MDN1: variants seen among roughly 807,000 people sequenced by gnomAD.
MDN1 encodes the protein midasin AAA ATPase 1.
Under a neutral mutation model 669.2 loss-of-function variants are expected in MDN1, and 266 were observed. The observed-to-expected ratio is 0.40, with a 90% CI of 0.36 to 0.44. The LOEUF is 0.44. Among genes scored for constraint, MDN1 ranks in the 20% least tolerant of loss-of-function variants. The pLI is 1.00. For synonymous variants in MDN1, 2,385 were observed against 2,457.1 expected (o/e 0.97, Z 0.87); for missense variants, 5,940 against 6,754.0 (o/e 0.88, Z 4.22).
At chr6:89,783,102 G>C (rs1372795859) in intron 9 of MDN1, among the ~76,000 whole-genome samples, 2 of 152,020 alleles carry the variant, frequency 1.3e-5, no homozygotes, top group African/African-American at 4.8e-5. Context: ...GATTTTTAGG[G>C]AACAAGGACA....
Position 89,735,054 on chromosome 6 carries a change from CTAATTT to C in MDN1, c.4724-2285_4724-2280del, listed in dbSNP as rs1397018328. ...TACAGGCGCCTGCCACAACGCCCAG[CTAATTT>C]TTGTATTTTTAGTAGAGACGGGATT... On this transcript the variant is annotated intron_variant, in intron 33 of 101. Coordinates refer to ENST00000369393, the MANE Select transcript of MDN1 (RefSeq NM_014611.3). 3.3e-5 allele frequency among the ~76,000 whole-genome samples: 5 copies of C among 152,078 alleles called. No homozygotes were observed. The East Asian group carries it at 9.7e-4, about 29-fold the overall frequency.
Position 89,789,781 on chromosome 6 carries a change from A to T in MDN1, c.1229T>A (p.Val410Glu). 6.3e-7 allele frequency: 1 copy of T among 1,589,532 alleles called. No homozygotes were observed. The highest frequency in any genetic ancestry group is 8.5e-7 in the Non-Finnish European group (1 of 1,169,710). Residue 410 changes from valine (V) to glutamate (E), a missense_variant and splice_region_variant, in exon 7 of 102, where the codon GTG becomes GAG. Val to Glu is a moderately radical substitution (Grantham distance 121). Around this residue, in one of 5 missense-constraint regions of MDN1, gnomAD observed 1,203 missense variants for 1,268.9 expected, o/e 0.95. Coordinates refer to ENST00000369393, the MANE Select transcript of MDN1 (RefSeq NM_014611.3). ...AATGAATTTCCTGAGATGACATACCACGTCTAAGGGGGCATAGTCAATATC... is the reference window on the plus strand; with the variant it reads ...AATGAATTTCCTGAGATGACATACCTCGTCTAAGGGGGCATAGTCAATATC... ...LEDIDYAPLDVVSVLIPLLEN... is the reference protein window; with the variant it reads ...LEDIDYAPLDEVSVLIPLLEN...
chr6:89,699,549 A>T, intron 58 of MDN1, 52 bp downstream of exon 58: 1 of 1,545,358 alleles, frequency 6.5e-7, no homozygotes, highest in South Asian at 1.3e-5. Context: ...GTCAAAGAAA[A>T]TCTAACCAAC....
At chr6:89,750,737 G>C (rs1195061996) in intron 23 of MDN1, among the ~76,000 whole-genome samples, 7 of 151,992 alleles carry the variant, frequency 4.6e-5, no homozygotes, top group Admixed American at 2.6e-4. Context: ...TGAGTAGCTG[G>C]GACTACAGAC....
intron 85 of MDN1, among the ~76,000 whole-genome samples, chr6:89,664,090 T>C (rs781366057): frequency 6.6e-6 from 1 of 152,252 alleles, no homozygotes; most frequent in East Asian, 1.9e-4. Flanking sequence ...CTATTTCTTT[T>C]CTACATGTTT....
intron 76 of MDN1, among the ~76,000 whole-genome samples, chr6:89,677,016 C>CAAAAAAAAAAAAAAAAAAAGGAA (rs577064668): frequency 1.2e-5 from 1 of 80,266 alleles, no homozygotes; most frequent in Non-Finnish European, 2.4e-5. Flanking sequence ...AATCAAAAGG[C>CAAAAAAAAAAAAAAAAAAAGGAA]AAAAAAAAAA....
intron 32 of MDN1, among the ~76,000 whole-genome samples, chr6:89,739,996 G>A (rs75884130): frequency 0.028 from 4,218 of 152,300 alleles, 86 homozygotes; most frequent in Non-Finnish European, 0.041. Flanking sequence ...TAGGCAAAGT[G>A]ACTGTAACAA....
At chr6:89,745,134 T>TTAA (rs1554190736) in intron 29 of MDN1, 139 bp downstream of exon 29, 2 of 282,992 alleles carry the variant, frequency 7.1e-6, no homozygotes, top group Non-Finnish European at 9.7e-6. Context: ...AGTCTCTTCT[T>TTAA]AAAAAAAAAA....
rs115287533 is a variant in MDN1, at chr6:89,747,330, A to G, written c.3903T>C (p.Asp1301=). The G allele has an allele frequency of 6.2e-6, 10 of 1,611,078 alleles. No homozygotes were observed. In the African/African-American group the frequency reaches 1.2e-4, roughly 19 times the overall value. The change falls in exon 27 of 102, where the codon GAT becomes GAC. Residue 1301 remains aspartate, a splice_region_variant and synonymous_variant. Transcript: ENST00000369393. ...GAGAGCATTTGATTGAAAACACACC[A>G]TCATTGGCTAAATGCTGTAGCCAGT... ...EYDWLQHLAN[D]GYMLLAGRVR...
chr6:89,674,603 C>A lies in MDN1; in HGVS notation c.12762-14G>T. On this transcript the variant is annotated splice_polypyrimidine_tract_variant and intron_variant, in intron 78 of 101. Transcript: ENST00000369393. ...CTGAGGAGGTTCCTGTACAGAGAAA[C>A]CCATGGGAAAAACACAATGAATGGC... 6.6e-7 allele frequency: 1 copy of A among 1,514,312 alleles called. No homozygotes were observed. Among genetic ancestry groups the A allele is most frequent in the Non-Finnish European group, 8.8e-7 (1 of 1,139,704 alleles). The allele number at this position is 1,514,312 out of a possible 1,614,324, so 93.8% of individuals were successfully genotyped here. A position where few individuals can be genotyped will look rare whatever the true frequency, so the allele number is the denominator to read the frequency against.
chr6:89,780,178 C>G, intron 11 of MDN1, 34 bp downstream of exon 11: 1 of 1,305,680 alleles, frequency 7.7e-7, no homozygotes, highest in Non-Finnish European at 1.1e-6. Flanking sequence ...CCTTACAGAA[C>G]CAAGACAAAA....
chr6:89,794,673 A>G lies in MDN1; in HGVS notation c.458T>C (p.Phe153Ser), dbSNP rs1185376439. 1 of 1,614,166 alleles carries G rather than the reference A, an allele frequency of 6.2e-7. No homozygotes were observed. The highest frequency in any genetic ancestry group is 2.2e-5 in the East Asian group (1 of 44,880). Residue 153 changes from phenylalanine (F) to serine (S), a missense_variant, in exon 3 of 102, where the codon TTC becomes TCC. Physicochemically the swap from Phe to Ser is radical, Grantham distance 155. Coordinates refer to ENST00000369393, the MANE Select transcript of MDN1 (RefSeq NM_014611.3). ...AGACTGCTCCTGCTGCAGAAACTTG[A>G]AGGCTGCTTCCATTAGGTCCCGGAG... ...MKLRDLMEAA[F>S]KFLQQEQSVF...
rs1817390342 is a variant in MDN1, at chr6:89,758,835, C to T, written c.2586G>A (p.Leu862=). The change falls in exon 18 of 102, where the codon TTG becomes TTA. Residue 862 remains leucine (L), a synonymous_variant. Transcript: ENST00000369393. The stretch of plus-strand genomic sequence containing the variant: ...TGCTACCTGTGTCTCCTCGATCCAG[C>T]AACACCAGGGATCCAGAAGATCCTT... ...LLEGSSGSLV[L]LDRGDTEPLV... The T allele has an allele frequency of 1.2e-6, 2 of 1,614,130 alleles. No individual in the cohort carries two copies. Among genetic ancestry groups the T allele is most frequent in the African/African-American group, 1.3e-5 (1 of 75,056 alleles).
intron 53 of MDN1, 74 bp downstream of exon 53, chr6:89,705,977 AGTTAGTCT>A: frequency 7.8e-7 from 1 of 1,279,064 alleles, no homozygotes; most frequent in South Asian, 1.8e-5. Flanking sequence ...ACAACACTAA[AGTTAGTCT>A]TAGCCCTAAG....
At chr6:89,671,747 G>A (rs1344490798) in intron 82 of MDN1, among the ~76,000 whole-genome samples, 3 of 152,260 alleles carry the variant, frequency 2.0e-5, no homozygotes, top group Non-Finnish European at 2.9e-5. Flanking sequence ...AGTTAGCACC[G>A]GAGGCAATGC....
At chr6:89,652,758 A>G (rs1227103511) in intron 94 of MDN1, among the ~76,000 whole-genome samples, 1 of 152,228 alleles carries the variant, frequency 6.6e-6, no homozygotes, top group Non-Finnish European at 1.5e-5. Context: ...ACCCACCATC[A>G]CAGACAGGTC....
chr6:89,760,028 C>A (rs940229134), intron 17 of MDN1, among the ~76,000 whole-genome samples: 1 of 149,020 alleles, frequency 6.7e-6, no homozygotes, highest in South Asian at 2.1e-4. Context: ...GCCAAGATTG[C>A]ACCACCGCAC....
Position 89,728,859 on chromosome 6 carries a change from A to T in MDN1, c.5349+72T>A. On this transcript the variant is annotated intron_variant, in intron 36 of 101. Transcript: ENST00000369393. ...ACTGATAATGTAATCATTTCTGATT[A>T]GGCAAATATAAATTGACACAGACAT... is the stretch of plus-strand genomic sequence containing the variant. The T allele has an allele frequency of 2.1e-6, 3 of 1,428,502 alleles. No homozygotes were observed. The South Asian group carries it at 3.7e-5, about 18-fold the overall frequency. The allele number at this position is 1,428,502 out of a possible 1,614,324, so 88.5% of individuals were successfully genotyped here.
chr6:89,798,998 C>T (rs1324313094), intron 2 of MDN1, among the ~76,000 whole-genome samples: 1 of 152,128 alleles, frequency 6.6e-6, no homozygotes, highest in African/African-American at 2.4e-5. Flanking sequence ...CACAGGGATA[C>T]AGTGAGAATA....
Sources: gnomAD v4.1 joint callset for allele counts (sites outside exome capture counted in the v4.1 genomes callset) on GRCh38, gnomAD v4.1.1 for gene constraint, gnomAD v4.1.1 regional missense constraint, MANE v1.5 for transcripts, NCBI Gene and HGNC (gene_info 2026-07-23, HGNC 2026-07-21) for gene names.